Variants in AK8 observed in about 807,000 individuals in gnomAD.
AK8 encodes adenylate kinase 8.
A neutral mutation model predicts 54.6 loss-of-function variants in AK8; 44 were observed. The observed-to-expected ratio is 0.81, with a 90% CI of 0.63 to 1.04. AK8 has a LOEUF of 1.04. AK8 is among the 50% of genes least tolerant of loss of function. The probability of loss-of-function intolerance (pLI) is 0.00; values close to 1 mark genes in which losing one functional copy is unlikely to be tolerated. For missense variants in AK8, 555 were observed against 613.6 expected, an observed-to-expected ratio of 0.90 and a Z score of 1.01; for synonymous variants, 239 against 245.6, an observed-to-expected ratio of 0.97 and a Z score of 0.25.
intron 11 of AK8, among the ~76,000 whole-genome samples, chr9:132,777,561 T>G (rs1341539104): frequency 6.6e-6 from 1 of 152,244 alleles, no homozygotes; most frequent in Non-Finnish European, 1.5e-5. Context: ...ACAGAGTATT[T>G]TCCAATTCAT....
chr9:132,850,205 C>T (rs1331677135), intron 5 of AK8, among the ~76,000 whole-genome samples: 1 of 147,632 alleles, frequency 6.8e-6, no homozygotes, highest in Non-Finnish European at 1.5e-5. Flanking sequence ...AGGCACCCAC[C>T]ACCATGCCCA....
Position 132,819,996 on chromosome 9 carries a change from C to CA in AK8, c.889+3208dup, listed in dbSNP as rs558902896. Among the ~76,000 whole-genome samples the CA allele has an allele frequency of 6.7e-4, 100 of 150,114 alleles. 3 individuals carry two copies. In the South Asian group the frequency reaches 0.019, roughly 29 times the overall value. ...CAACATAGAGAGATTCCCGTCTTTA[C>CA]AAAAAAAAATTAGCTGAGCATGGTG... On this transcript the variant is annotated intron_variant, in intron 9 of 12. Coordinates refer to ENST00000298545, the MANE Select transcript of AK8 (RefSeq NM_152572.3).
chr9:132,791,733 G>C lies in AK8; in HGVS notation c.1121+901C>G, dbSNP rs1051567664. On this transcript the variant is annotated intron_variant, in intron 11 of 12. Coordinates refer to ENST00000298545, the MANE Select transcript of AK8 (RefSeq NM_152572.3). This position sits in a 1 kb window ranked among gnomAD's most constrained non-coding sequence, Gnocchi z 4.0. ...GATGGTCAGACCATATATAAAAAGA[G>C]AACTGGAACCCACAACCTGCAGCAA... is the stretch of plus-strand genomic sequence containing the variant. Among the ~76,000 whole-genome samples, 2 of 152,158 alleles carry C rather than the reference G, an allele frequency of 1.3e-5. No homozygotes were observed. Among genetic ancestry groups the C allele is most frequent in the Non-Finnish European group, 2.9e-5 (2 of 68,038 alleles).
Position 132,826,981 on chromosome 9 carries a change from G to A in AK8, c.630C>T (p.Ile210=). The change falls in exon 8 of 13, where the codon ATC becomes ATT. Residue 210 remains isoleucine (I), a synonymous_variant. Coordinates refer to ENST00000298545, the MANE Select transcript of AK8 (RefSeq NM_152572.3). This position sits in a 1 kb window ranked among gnomAD's most constrained non-coding sequence, Gnocchi z 4.5. The part of the protein sequence containing the change: ...IQNRLMVPED[I]SELETAQKLL... ...GTTTCTGAGCCGTCTCCAGCTCTGA[G>A]ATGTCCTCTGGCACCATGAGACGGT... The A allele has an allele frequency of 6.2e-7, 1 of 1,614,268 alleles. No homozygotes were observed. The highest frequency in any genetic ancestry group is 8.5e-7 in the Non-Finnish European group (1 of 1,180,050).
chr9:132,769,132 C>G (rs900550586), intron 11 of AK8: 11 of 152,034 alleles, frequency 7.2e-5, no homozygotes, highest in Admixed American at 2.0e-4. Context: ...AAGGCAACGT[C>G]GAAATCTCCA....
chr9:132,779,641 AACC>A (rs1230697442), intron 11 of AK8, among the ~76,000 whole-genome samples: 3 of 152,242 alleles, frequency 2.0e-5, no homozygotes, highest in Non-Finnish European at 4.4e-5. Context: ...TCAAGCTATC[AACC>A]ACATGCACAC....
intron 5 of AK8, among the ~76,000 whole-genome samples, chr9:132,851,511 G>A (rs913188680): frequency 1.3e-5 from 2 of 152,248 alleles, no homozygotes; most frequent in Non-Finnish European, 2.9e-5. Context: ...GCTCAGGGAA[G>A]TAACTAAACA....
rs143413320 is a variant in AK8, at chr9:132,726,373, G to A, written c.1203-448C>T. ...TCTCTTGCCCAGGCTGGAGTGCAGTGGCGCGATCTTCGCTCACCACAACCT... is the reference window on the plus strand; with the variant it reads ...TCTCTTGCCCAGGCTGGAGTGCAGTAGCGCGATCTTCGCTCACCACAACCT... On this transcript the variant is annotated intron_variant, in intron 12 of 12. Transcript: ENST00000298545. 4.3e-3 allele frequency among the ~76,000 whole-genome samples: 652 copies of A among 150,940 alleles called. 4 individuals carry two copies. The highest frequency in any genetic ancestry group is 0.015 in the African/African-American group (619 of 41,126).
chr9:132,734,956 G>A (rs543440911), intron 11 of AK8, among the ~76,000 whole-genome samples: 1 of 152,252 alleles, frequency 6.6e-6, no homozygotes, highest in East Asian at 1.9e-4. Context: ...GCTTGAACCC[G>A]AGAGGTGGAG....
chr9:132,810,617 G>A (rs59760930), intron 10 of AK8, among the ~76,000 whole-genome samples: 11,838 of 152,108 alleles, frequency 0.078, 550 homozygotes, highest in Admixed American at 0.12. Flanking sequence ...ATCTGTAAAC[G>A]CCCAACTCCC....
chr9:132,795,214 CAGA>C (rs954514560), intron 10 of AK8, among the ~76,000 whole-genome samples: 1 of 152,212 alleles, frequency 6.6e-6, no homozygotes, highest in African/African-American at 2.4e-5. Context: ...CTCCTCTCCC[CAGA>C]AGGAGTCGGA....
intron 11 of AK8, among the ~76,000 whole-genome samples, chr9:132,786,130 C>T (rs1294569713): frequency 6.6e-6 from 1 of 152,206 alleles, no homozygotes; most frequent in Non-Finnish European, 1.5e-5. Context: ...GAATCAACCT[C>T]ATCTTCCCCA....
intron 11 of AK8, among the ~76,000 whole-genome samples, chr9:132,745,335 C>G (rs1017233056): frequency 6.6e-6 from 1 of 152,162 alleles, no homozygotes; most frequent in South Asian, 2.1e-4. Context: ...CTCCCTCTCT[C>G]GGATTACGCG....
At chr9:132,878,841 G>A, upstream of AK8, 13 of 916,892 alleles carry the variant, frequency 1.4e-5, no homozygotes, top group Non-Finnish European at 1.6e-5. The surrounding 1 kb of genome is among the most constrained non-coding windows in gnomAD (Gnocchi z 4.7). Context: ...CTATGGCACC[G>A]GCGGTAACAA....
intron 11 of AK8, among the ~76,000 whole-genome samples, chr9:132,748,411 G>A (rs1296372783): frequency 6.6e-6 from 1 of 152,000 alleles, no homozygotes; most frequent in Non-Finnish European, 1.5e-5. Flanking sequence ...GACAAAGAGT[G>A]GGACGACCTT....
intron 9 of AK8, among the ~76,000 whole-genome samples, chr9:132,820,589 A>G (rs1841543314): frequency 6.6e-6 from 1 of 152,234 alleles, no homozygotes; most frequent in Admixed American, 6.5e-5. Context: ...CCTAGGAGTT[A>G]AATCCCAGGG....
At chr9:132,872,036 G>A (rs994438437) in intron 2 of AK8, among the ~76,000 whole-genome samples, 2 of 152,094 alleles carry the variant, frequency 1.3e-5, no homozygotes, top group Non-Finnish European at 2.9e-5. Context: ...TTGAAGTAGC[G>A]GTTTAAGAAC....
At chr9:132,800,870 C>T (rs1840415387) in intron 10 of AK8, among the ~76,000 whole-genome samples, 1 of 151,176 alleles carries the variant, frequency 6.6e-6, no homozygotes, top group East Asian at 1.9e-4. Context: ...GGCATTGACA[C>T]AGCTACCTGA....
chr9:132,807,208 G>A (rs1588152239), intron 10 of AK8, among the ~76,000 whole-genome samples: 2 of 152,318 alleles, frequency 1.3e-5, no homozygotes, highest in East Asian at 1.9e-4. Flanking sequence ...GGGGCCACAG[G>A]GGCAGCTGCC....
Sources: allele counts gnomAD v4.1 joint callset (sites outside exome capture counted in the v4.1 genomes callset), GRCh38; gene constraint gnomAD v4.1.1; non-coding constraint Gnocchi (gnomAD v3.1); transcripts MANE v1.5; gene names NCBI Gene and HGNC (gene_info 2026-07-23, HGNC 2026-07-21).